The following CCND3 variants were observed in gnomAD, a reference collection of about 807,000 sequenced individuals.
The protein encoded by CCND3 is G1/S-specific cyclin-D3.
A neutral mutation model predicts 28.7 loss-of-function variants in CCND3; 9 were observed. The ratio of observed to expected loss-of-function variants is 0.31; its 90% confidence interval spans 0.19 to 0.55. CCND3 has a LOEUF of 0.55. Among genes scored for constraint, CCND3 ranks in the 20% least tolerant of loss-of-function variants. The pLI is 0.93. For missense variants in CCND3, 315 were observed against 385.8 expected, an observed-to-expected ratio of 0.82 and a Z score of 1.54; for synonymous variants, 164 against 163.9, an observed-to-expected ratio of 1.00 and a Z score of 0.00.
chr6:41,967,630 C>T (rs1761924490), intron 1 of CCND3, among the ~76,000 whole-genome samples: 1 of 152,220 alleles, frequency 6.6e-6, no homozygotes, highest in Non-Finnish European at 1.5e-5. Context: ...TATCCATCTC[C>T]CGCAGCAGCT....
chr6:41,972,240 A>AAAAAAGAAAAGAAAAGAAAAG (rs1554162050), intron 1 of CCND3, among the ~76,000 whole-genome samples: 3 of 99,738 alleles, frequency 3.0e-5, no homozygotes, highest in Non-Finnish European at 5.9e-5. Context: ...AAAAAAAAAA[A>AAAAAAGAAAAGAAAAGAAAAG]AAAAGAAAAG....
At chr6:41,964,677 G>A (rs1761835931) in intron 1 of CCND3, among the ~76,000 whole-genome samples, 1 of 152,178 alleles carries the variant, frequency 6.6e-6, no homozygotes, top group Admixed American at 6.6e-5. Flanking sequence ...AGCAGGTTGG[G>A]TGCATGACAG....
chr6:42,024,335 G>A (rs545700476), intron 1 of CCND3, among the ~76,000 whole-genome samples: 6 of 151,726 alleles, frequency 4.0e-5, no homozygotes, highest in African/African-American at 7.3e-5. Flanking sequence ...CCCAGGAGGC[G>A]GAGCTTGTAG....
intron 1 of CCND3, among the ~76,000 whole-genome samples, chr6:42,017,599 T>G (rs1763561400): frequency 6.6e-6 from 1 of 152,176 alleles, no homozygotes; most frequent in African/African-American, 2.4e-5. Context: ...AAGTGGAAAC[T>G]GGTCAGGTTG....
In CCND3 at chr6:41,936,011, G is replaced by A. The variant is rs1561948756; in HGVS notation, c.808C>T (p.Pro270Ser). 6.2e-7 allele frequency: 1 copy of A among 1,613,350 alleles called. No individual in the cohort carries two copies. Among genetic ancestry groups the A allele is most frequent in the Non-Finnish European group, 8.5e-7 (1 of 1,179,604 alleles). ...GGCCCTTGGCTGCTGGAGCCCCGGG[G>A]GGCTTTGGGCGCTGGGCTGGAGCTG... Reference protein sequence around the residue: ...QTSSSPAPKAPRGSSSQGPSQ... With the variant: ...QTSSSPAPKASRGSSSQGPSQ... Residue 270 changes from proline (P) to serine (S), a missense_variant, in exon 5 of 5, where the codon CCC becomes TCC. Physicochemically the swap from Pro to Ser is moderately conservative, Grantham distance 74. Transcript: ENST00000372991. The surrounding 1 kb of genome is among the most constrained non-coding windows in gnomAD (Gnocchi z 4.4).
chr6:42,009,092 T>C (rs560716149), intron 1 of CCND3, among the ~76,000 whole-genome samples: 1 of 152,330 alleles, frequency 6.6e-6, no homozygotes, highest in Non-Finnish European at 1.5e-5. Flanking sequence ...GATTAGAGCC[T>C]GAGTGATAAG....
chr6:41,974,147 C>T (rs1002502665), intron 1 of CCND3, among the ~76,000 whole-genome samples: 3 of 152,170 alleles, frequency 2.0e-5, no homozygotes, highest in African/African-American at 4.8e-5. Context: ...TGTGCCATTG[C>T]ACTCTAGCCT....
At chr6:41,998,274 C>T (rs1259679537) in intron 1 of CCND3, among the ~76,000 whole-genome samples, 3 of 118,072 alleles carry the variant, frequency 2.5e-5, no homozygotes, top group Non-Finnish European at 3.4e-5. Context: ...GGCGGCAGAG[C>T]GAGACTCCAC....
At chr6:42,033,202 A>G (rs1764093398) in intron 1 of CCND3, among the ~76,000 whole-genome samples, 1 of 152,146 alleles carries the variant, frequency 6.6e-6, no homozygotes. Flanking sequence ...CTGTAATTCC[A>G]GCACTTTGGG....
At chr6:42,016,025 G>T (rs1055793998) in intron 1 of CCND3, among the ~76,000 whole-genome samples, 10 of 151,788 alleles carry the variant, frequency 6.6e-5, no homozygotes, top group Non-Finnish European at 1.0e-4. Context: ...TGCAGCCTCT[G>T]CCTCCCAGGT....
intron 1 of CCND3, among the ~76,000 whole-genome samples, chr6:42,039,285 C>T (rs1764305180): frequency 6.6e-6 from 1 of 152,212 alleles, no homozygotes; most frequent in African/African-American, 2.4e-5. Context: ...AACACTGTGT[C>T]AAATGTGGCT....
At chr6:41,972,240 A>AAAAAAAAAAAAAAG (rs1554162050) in intron 1 of CCND3, among the ~76,000 whole-genome samples, 1 of 99,740 alleles carries the variant, frequency 1.0e-5, no homozygotes, top group Non-Finnish European at 2.0e-5. Context: ...AAAAAAAAAA[A>AAAAAAAAAAAAAAG]AAAAGAAAAG....
chr6:41,974,658 C>T (rs1294942353), intron 1 of CCND3, among the ~76,000 whole-genome samples: 1 of 152,204 alleles, frequency 6.6e-6, no homozygotes, highest in Non-Finnish European at 1.5e-5. Flanking sequence ...GAACCCACAG[C>T]ACCGTTCAGT....
Position 41,941,678 on chromosome 6 carries a change from G to A in CCND3, c.-29C>T. The stretch of plus-strand genomic sequence containing the variant: ...CGGGCAGCGAACAGGCAGGGCGGGA[G>A]TGCGGGCTCGCGAGTCCCAAGGCAG... On this transcript the variant is annotated 5_prime_UTR_variant, in exon 1 of 5. Coordinates refer to ENST00000372991, the MANE Select transcript of CCND3 (RefSeq NM_001760.5). This position sits in a 1 kb window ranked among gnomAD's most constrained non-coding sequence, Gnocchi z 6.1. 7.4e-7 allele frequency: 1 copy of A among 1,358,318 alleles called. No homozygotes were observed. The highest frequency in any genetic ancestry group is 9.5e-7 in the Non-Finnish European group (1 of 1,055,592). The allele number at this position is 1,358,318 out of a possible 1,614,324, so 84.1% of individuals were successfully genotyped here.
At chr6:42,035,128 C>T (rs1310235152) in intron 1 of CCND3, among the ~76,000 whole-genome samples, 3 of 152,172 alleles carry the variant, frequency 2.0e-5, no homozygotes, top group African/African-American at 7.2e-5. Flanking sequence ...TCTTCTCATT[C>T]ATGCTCTTCC....
Position 41,935,939 on chromosome 6 carries a change from G to A in CCND3, c.*1C>T, listed in dbSNP as rs777109944. ...GGCCACTCCAGAGGGCCTCTCCAGG[G>A]CTACAGGTGTATGGCTGTGACATCT... On this transcript the variant is annotated 3_prime_UTR_variant, in exon 5 of 5. Coordinates refer to ENST00000372991, the MANE Select transcript of CCND3 (RefSeq NM_001760.5). 6.2e-7 allele frequency: 1 copy of A among 1,607,836 alleles called. No homozygotes were observed. The highest frequency in any genetic ancestry group is 8.5e-7 in the Non-Finnish European group (1 of 1,177,400).
At chr6:42,029,006 C>T (rs1486692962) in intron 1 of CCND3, among the ~76,000 whole-genome samples, 1 of 148,712 alleles carries the variant, frequency 6.7e-6, no homozygotes, top group Non-Finnish European at 1.5e-5. Flanking sequence ...CAGGGTCTCA[C>T]TCTGTTGCCA....
rs189994251 is a variant in CCND3 at position 42,035,835 on chromosome 6, G to A, written c.-46+12666C>T. 5.6e-3 allele frequency among the ~76,000 whole-genome samples: 855 copies of A among 151,336 alleles called. 10 individuals are homozygous for A. The highest frequency in any genetic ancestry group is 0.019 in the African/African-American group (771 of 41,186). On this transcript the variant is annotated intron_variant, in intron 1 of 4. Transcript: ENST00000372988. ...TGGGATTACAGACACCCGCCACAACGCCTGGCTAATTTTTGTATTTTTAGT... is the reference window on the plus strand; with the variant it reads ...TGGGATTACAGACACCCGCCACAACACCTGGCTAATTTTTGTATTTTTAGT...
At chr6:42,007,148 A>G (rs959614852) in intron 1 of CCND3, among the ~76,000 whole-genome samples, 1 of 152,164 alleles carries the variant, frequency 6.6e-6, no homozygotes, top group African/African-American at 2.4e-5. Flanking sequence ...TCTTTTGTGT[A>G]TATATGCTTC....
Sources: gnomAD v4.1 joint callset for allele counts (sites outside exome capture counted in the v4.1 genomes callset) on GRCh38, gnomAD v4.1.1 for gene constraint, Gnocchi (gnomAD v3.1) non-coding constraint, MANE v1.5 for transcripts, NCBI Gene and HGNC (gene_info 2026-07-23, HGNC 2026-07-21) for gene names.